The following FANCL variants were observed in gnomAD, a reference collection of about 807,000 sequenced individuals.
FANCL encodes the protein E3 ubiquitin-protein ligase FANCL.
Under a neutral mutation model 59.4 loss-of-function variants are expected in FANCL, and 69 were observed. That is an observed-to-expected ratio of 1.16 (90% CI 0.96 to 1.42). The LOEUF is 1.42. Among genes scored for constraint, FANCL ranks in the 40% most tolerant of loss-of-function variants. The pLI is 0.00. For missense variants in FANCL, 519 were observed against 447.2 expected (o/e 1.16, Z -1.45); for synonymous variants, 180 against 147.1 (o/e 1.22, Z -1.62).
intron 7 of FANCL, among the ~76,000 whole-genome samples, chr2:58,167,270 G>A (rs1373562074): frequency 1.3e-5 from 2 of 152,192 alleles, no homozygotes; most frequent in Admixed American, 6.6e-5. Context: ...AATAACCTTT[G>A]AGGATATTGA....
intron 3 of FANCL, among the ~76,000 whole-genome samples, chr2:58,228,572 G>A (rs1040002439): frequency 2.0e-5 from 3 of 152,178 alleles, no homozygotes; most frequent in East Asian, 1.9e-4. Context: ...TTGCTATAAC[G>A]GCAGAATTGA....
At chr2:58,210,140 C>T (rs943766089) in intron 5 of FANCL, among the ~76,000 whole-genome samples, 2 of 152,116 alleles carry the variant, frequency 1.3e-5, no homozygotes, top group Non-Finnish European at 2.9e-5. Context: ...ATGATTATTA[C>T]AATAAATGTA....
Position 58,204,462 on chromosome 2 carries a change from G to A in FANCL, c.375-236C>T, listed in dbSNP as rs1021209683. Among the ~76,000 whole-genome samples, 10 of 152,106 alleles carry A rather than the reference G, an allele frequency of 6.6e-5. No individual in the cohort carries two copies. The East Asian group carries it at 9.7e-4, about 15-fold the overall frequency. On this transcript the variant is annotated intron_variant, in intron 5 of 13. Coordinates refer to ENST00000233741, the MANE Select transcript of FANCL (RefSeq NM_018062.4). ...TGGATTATTTACAATGTGTGTCAAG[G>A]CTCATGCTGTGGTCAGTGAGCACTA...
rs753605014 is a variant in FANCL, at chr2:58,241,318, C to G, written c.-5G>C. 2 of 1,613,964 alleles carry G rather than the reference C, an allele frequency of 1.2e-6. No homozygotes were observed. The highest frequency in any genetic ancestry group is 1.3e-5 in the African/African-American group (1 of 75,076). ...GCTCGCTTCCGTCACCGCCATGGCT[C>G]GAAGTCCGGAGAAACACAGAAAAGC... is the stretch of plus-strand genomic sequence containing the variant. On this transcript the variant is annotated 5_prime_UTR_variant, in exon 1 of 14. Coordinates refer to ENST00000233741, the MANE Select transcript of FANCL (RefSeq NM_018062.4).
Position 58,229,816 on chromosome 2 carries a change from G to T in FANCL, c.214C>A (p.Gln72Lys). 1 of 1,605,876 alleles carries T rather than the reference G, an allele frequency of 6.2e-7. No homozygotes were observed. Among genetic ancestry groups the T allele is most frequent in the Non-Finnish European group, 8.5e-7 (1 of 1,172,736 alleles). Residue 72 changes from glutamine (Q) to lysine (K), a missense_variant and splice_region_variant, in exon 3 of 14, where the codon CAG becomes AAG. Gln to Lys is a moderately conservative substitution (Grantham distance 53). Coordinates refer to ENST00000233741, the MANE Select transcript of FANCL (RefSeq NM_018062.4). ...TAAACCTTTTAAAAAGGACTTACCTGTTGTACTATTCGATGGTATCCACTA... is the reference window on the plus strand; with the variant it reads ...TAAACCTTTTAAAAAGGACTTACCTTTTGTACTATTCGATGGTATCCACTA... ...ILSGYHRIVQ[Q>K]RMQHSPDLMS...
At chr2:58,175,680 A>G (rs1459653398) in intron 7 of FANCL, among the ~76,000 whole-genome samples, 1 of 152,240 alleles carries the variant, frequency 6.6e-6, no homozygotes, top group Non-Finnish European at 1.5e-5. Context: ...CCAATATCAC[A>G]GTGAATGGGC....
At position 58,159,793 on chromosome 2, in the gene FANCL, G is replaced by GTAAT. The variant is rs759217526; in HGVS notation, c.1096_1099dup (p.Thr367AsnfsTer13). ...GTGTTTCCTTCCAGACATTTTTAAG[G>GTAAT]TAATTGGCTTTAAAAAGAGAACATA... On this transcript the variant is annotated frameshift_variant, in exon 14 of 14. Coordinates refer to ENST00000233741, the MANE Select transcript of FANCL (RefSeq NM_018062.4). LOFTEE classifies it high-confidence loss of function. The GTAAT allele has an allele frequency of 3.7e-3, 5,889 of 1,612,828 alleles. 21 individuals are homozygous for GTAAT. The highest frequency in any genetic ancestry group is 4.5e-3 in the Admixed American group (267 of 59,900).
At chr2:58,170,142 T>C (rs769488483) in intron 7 of FANCL, among the ~76,000 whole-genome samples, 15 of 152,134 alleles carry the variant, frequency 9.9e-5, no homozygotes, top group South Asian at 2.1e-4. Context: ...GAGACAAAGG[T>C]TGGGTTACCC....
At chr2:58,230,051 T>C (rs1044236498) in intron 2 of FANCL, among the ~76,000 whole-genome samples, 177 bp from the exon 3 acceptor site, 2 of 152,252 alleles carry the variant, frequency 1.3e-5, no homozygotes, top group Non-Finnish European at 2.9e-5. Flanking sequence ...TTGGTACTAA[T>C]TTTATTTCAA....
intron 7 of FANCL, among the ~76,000 whole-genome samples, chr2:58,168,356 C>G (rs1240835509): frequency 2.6e-5 from 4 of 152,142 alleles, no homozygotes; most frequent in Non-Finnish European, 5.9e-5. Context: ...GGTTGGGGAG[C>G]TCCCTCCCCT....
chr2:58,190,621 T>C (rs1248446027), intron 7 of FANCL, among the ~76,000 whole-genome samples: 1 of 151,800 alleles, frequency 6.6e-6, no homozygotes, highest in African/African-American at 2.4e-5. Context: ...TTTTCATCAC[T>C]CTAAAATCAA....
intron 5 of FANCL, among the ~76,000 whole-genome samples, chr2:58,208,012 T>G (rs1690763049): frequency 6.6e-6 from 1 of 152,222 alleles, no homozygotes; most frequent in African/African-American, 2.4e-5. Flanking sequence ...TGAGCTATGA[T>G]GGCACCACTG....
chr2:58,235,133 C>T (rs969966260), intron 1 of FANCL, among the ~76,000 whole-genome samples: 6 of 151,622 alleles, frequency 4.0e-5, no homozygotes, highest in Admixed American at 1.3e-4. Flanking sequence ...TTGTACAATT[C>T]GCAAGGTATA....
chr2:58,232,030 G>T (rs766120470), intron 2 of FANCL, 24 bp downstream of exon 2: 1 of 1,609,336 alleles, frequency 6.2e-7, no homozygotes, highest in South Asian at 1.1e-5. Flanking sequence ...AAAAATGCAC[G>T]TTTATAACTA....
At chr2:58,223,491 T>A (rs1484674526) in intron 4 of FANCL, among the ~76,000 whole-genome samples, 4 of 151,994 alleles carry the variant, frequency 2.6e-5, no homozygotes, top group African/African-American at 9.6e-5. Context: ...TTTTCAATCT[T>A]AGGTTTATGA....
intron 7 of FANCL, among the ~76,000 whole-genome samples, chr2:58,193,500 C>T (rs113982347): frequency 2.8e-4 from 42 of 152,056 alleles, no homozygotes; most frequent in African/African-American, 9.7e-5. Context: ...ATGACTGCTA[C>T]GCTTATACTT....
rs1351892337 is a variant in FANCL, at chr2:58,227,003, T to C, written c.217-219A>G. On this transcript the variant is annotated intron_variant, in intron 3 of 13. Coordinates refer to ENST00000233741, the MANE Select transcript of FANCL (RefSeq NM_018062.4). ...TCCTCAAATCTAATTTGCTGAGATA[T>C]ATTAAACTGTGTTAGAATGTCACTT... 2.0e-5 allele frequency among the ~76,000 whole-genome samples: 3 copies of C among 152,236 alleles called. No homozygotes were observed. In the East Asian group the frequency reaches 5.8e-4, roughly 29 times the overall value.
intron 7 of FANCL, among the ~76,000 whole-genome samples, chr2:58,179,279 AATCC>A (rs1687682302): frequency 6.6e-6 from 1 of 152,180 alleles, no homozygotes; most frequent in Non-Finnish European, 1.5e-5. Flanking sequence ...TAGCCAAGAC[AATCC>A]TAAGCAAAAA....
chr2:58,185,839 G>T (rs1344329793), intron 7 of FANCL, among the ~76,000 whole-genome samples: 1 of 152,122 alleles, frequency 6.6e-6, no homozygotes, highest in Non-Finnish European at 1.5e-5. Flanking sequence ...TATAATTTTA[G>T]TCAAGGAGTC....
Sources: gnomAD v4.1 joint callset for allele counts (sites outside exome capture counted in the v4.1 genomes callset) on GRCh38, gnomAD v4.1.1 for gene constraint, MANE v1.5 for transcripts, NCBI Gene and HGNC (gene_info 2026-07-23, HGNC 2026-07-21) for gene names.